Variants in PKD1L1 observed in about 807,000 individuals in gnomAD.
PKD1L1 encodes the protein polycystin 1 like 1, transient receptor potential channel interacting.
In PKD1L1, 236 loss-of-function variants were observed where a neutral mutation model predicts 323.4. The observed-to-expected ratio is 0.73, with a 90% CI of 0.66 to 0.81. The LOEUF is 0.81. Among genes scored for constraint, PKD1L1 ranks in the 40% least tolerant of loss-of-function variants. The pLI, the probability that PKD1L1 is intolerant of heterozygous loss-of-function variation, is 0.00. For missense variants in PKD1L1, 3,320 were observed against 3,508.0 expected, an observed-to-expected ratio of 0.95 and a Z score of 1.35; for synonymous variants, 1,344 against 1,335.0, an observed-to-expected ratio of 1.01 and a Z score of -0.15.
At position 47,791,560 on chromosome 7, in the gene PKD1L1, C is replaced by CAAAAGTTAT. The variant is rs1786949583; in HGVS notation, c.8526+1066_8526+1067insATAACTTTT. Among the ~76,000 whole-genome samples, 3 of 151,852 alleles carry CAAAAGTTAT rather than the reference C, an allele frequency of 2.0e-5. No homozygotes were observed. The East Asian group carries it at 5.8e-4, about 29-fold the overall frequency. ...CAATTGTTTTCAAAGTTATACCCTT[C>CAAAAGTTAT]ATCTTCACTTTTGGTCATTTTTACA... On this transcript the variant is annotated intron_variant, in intron 56 of 56. Coordinates refer to ENST00000289672, the MANE Select transcript of PKD1L1 (RefSeq NM_138295.5).
At chr7:47,892,650 A>G (rs953031628) in intron 15 of PKD1L1, among the ~76,000 whole-genome samples, 1 of 152,194 alleles carries the variant, frequency 6.6e-6, no homozygotes, top group Non-Finnish European at 1.5e-5. Flanking sequence ...AGACTTTAAC[A>G]CCACTAATAT....
chr7:47,829,689 A>G, intron 43 of PKD1L1, 88 bp from the exon 44 acceptor site: 1 of 1,326,612 alleles, frequency 7.5e-7, no homozygotes, highest in Non-Finnish European at 1.0e-6. Flanking sequence ...CTAATCATGA[A>G]CAGGACTCCA....
intron 8 of PKD1L1, among the ~76,000 whole-genome samples, chr7:47,910,444 C>T (rs1272722767): frequency 4.6e-5 from 7 of 151,020 alleles, no homozygotes; most frequent in African/African-American, 1.7e-4. Flanking sequence ...ACGCCATTCT[C>T]CTGCCTCAGC....
intron 46 of PKD1L1, among the ~76,000 whole-genome samples, chr7:47,818,417 T>C (rs1161016592): frequency 6.6e-6 from 1 of 152,260 alleles, no homozygotes; most frequent in Non-Finnish European, 1.5e-5. Context: ...CCATTTTCTG[T>C]GTTTTTAAAG....
intron 45 of PKD1L1, among the ~76,000 whole-genome samples, chr7:47,822,845 C>T (rs377543332): frequency 3.6e-4 from 55 of 152,120 alleles, no homozygotes; most frequent in African/African-American, 1.3e-3. Context: ...AATAGTATTC[C>T]TTTTTAAATT....
intron 56 of PKD1L1, among the ~76,000 whole-genome samples, chr7:47,777,546 T>A (rs1238745002): frequency 6.6e-6 from 1 of 152,236 alleles, no homozygotes; most frequent in Non-Finnish European, 1.5e-5. Context: ...ATTAGGGTCA[T>A]GTTTTACATC....
chr7:47,828,397 G>A (rs1785277466), intron 44 of PKD1L1, among the ~76,000 whole-genome samples: 2 of 151,980 alleles, frequency 1.3e-5, no homozygotes, highest in South Asian at 4.2e-4. Context: ...CAAGCAGAAA[G>A]GAAAGCTGAG....
chr7:47,953,592 C>G, the PKD1L1 span, among the ~76,000 whole-genome samples: 1 of 152,206 alleles, frequency 6.6e-6, no homozygotes, highest in African/African-American at 2.4e-5. Context: ...AAGGGAGGCC[C>G]ACCTGTCATT....
intron 14 of PKD1L1, among the ~76,000 whole-genome samples, chr7:47,896,827 C>A (rs1786947114): frequency 6.6e-6 from 1 of 152,150 alleles, no homozygotes; most frequent in Non-Finnish European, 1.5e-5. Flanking sequence ...TGACATTGAC[C>A]CTGCTCTGCT....
chr7:47,877,755 T>A, intron 21 of PKD1L1, 124 bp from the exon 22 acceptor site: 3 of 1,146,426 alleles, frequency 2.6e-6, no homozygotes, highest in Non-Finnish European at 3.6e-6. Flanking sequence ...ACCAGCAGCA[T>A]CGGACTAACC....
At chr7:47,808,107 A>G (rs1295456988) in intron 52 of PKD1L1, 140 bp downstream of exon 52, 2 of 1,103,818 alleles carry the variant, frequency 1.8e-6, no homozygotes, top group Non-Finnish European at 2.6e-6. Flanking sequence ...GGCCACTCCC[A>G]TCTGCCAGCT....
chr7:47,893,333 C>T (rs1211965451), intron 15 of PKD1L1, among the ~76,000 whole-genome samples: 1 of 151,644 alleles, frequency 6.6e-6, no homozygotes, highest in African/African-American at 2.4e-5. Context: ...TGAGATGTCT[C>T]GAGGGTGTCC....
At position 47,839,828 on chromosome 7, in the gene PKD1L1, C is replaced by T. The variant is rs975661747; in HGVS notation, c.5553-166G>A. ...GTGACATGTGAAGCCCCCTGGAACC[C>T]GGCCAGAGGATGGGAAATCCCACCG... On this transcript the variant is annotated intron_variant, in intron 35 of 56. Coordinates refer to ENST00000289672, the MANE Select transcript of PKD1L1 (RefSeq NM_138295.5). The surrounding 1 kb of genome is among the most constrained non-coding windows in gnomAD (Gnocchi z 4.3). 7.9e-5 allele frequency among the ~76,000 whole-genome samples: 12 copies of T among 152,192 alleles called. No individual in the cohort carries two copies. The highest frequency in any genetic ancestry group is 2.4e-4 in the African/African-American group (10 of 41,460).
intron 4 of PKD1L1, among the ~76,000 whole-genome samples, chr7:47,935,013 C>G (rs1207136153): frequency 6.6e-6 from 1 of 152,196 alleles, no homozygotes; most frequent in Non-Finnish European, 1.5e-5. Flanking sequence ...AGACCCCACT[C>G]TGCTCTTGTT....
chr7:47,954,645 G>A, the PKD1L1 span, among the ~76,000 whole-genome samples: 6 of 152,272 alleles, frequency 3.9e-5, no homozygotes, highest in Middle Eastern at 3.4e-3. Context: ...GTGGGAATCA[G>A]CTATAGCCAC....
intron 2 of PKD1L1, among the ~76,000 whole-genome samples, chr7:47,940,721 A>G (rs967593811): frequency 2.0e-5 from 3 of 152,222 alleles, no homozygotes. Flanking sequence ...CAGGAAGACC[A>G]TTAAAGACAC....
Position 47,943,419 on chromosome 7 carries a change from G to A in PKD1L1, c.137C>T (p.Pro46Leu), listed in dbSNP as rs1313821838. ...ACCGACCCACAATCCACCTCCAGGA[G>A]GGCTACAGCTGCACAGATGAAGACC... is the stretch of plus-strand genomic sequence containing the variant. The part of the protein sequence containing the change: ...SWGLHLCSCS[P>L]PGGGLWVEVY... The change falls in exon 2 of 57, where the codon CCT (proline) becomes CTT (leucine). Residue 46 changes from proline to leucine, a missense_variant. Coordinates refer to ENST00000289672, the MANE Select transcript of PKD1L1 (RefSeq NM_138295.5). 3 of 1,613,190 alleles carry A rather than the reference G, an allele frequency of 1.9e-6. No homozygotes were observed. Among genetic ancestry groups the A allele is most frequent in the Non-Finnish European group, 2.5e-6 (3 of 1,179,474 alleles).
At chr7:47,906,203 A>G (rs1219494907) in intron 9 of PKD1L1, among the ~76,000 whole-genome samples, 1 of 152,234 alleles carries the variant, frequency 6.6e-6, no homozygotes. Context: ...CCTGCATGGT[A>G]TTAAATATGC....
intron 7 of PKD1L1, 89 bp downstream of exon 7, chr7:47,929,115 G>T (rs1787710435): frequency 1.5e-6 from 2 of 1,360,588 alleles, no homozygotes; most frequent in Admixed American, 2.2e-5. Flanking sequence ...ACGGAATGCA[G>T]TTTCTTTTCT....
Sources: allele counts gnomAD v4.1 joint callset (sites outside exome capture counted in the v4.1 genomes callset), GRCh38; gene constraint gnomAD v4.1.1; non-coding constraint Gnocchi (gnomAD v3.1); transcripts MANE v1.5; gene names NCBI Gene and HGNC (gene_info 2026-07-23, HGNC 2026-07-21).